Variants in ITGBL1 observed in about 807,000 individuals in gnomAD.
ITGBL1 encodes the protein integrin beta-like protein 1.
A neutral mutation model predicts 68.5 loss-of-function variants in ITGBL1; 51 were observed. That is an observed-to-expected ratio of 0.74 (90% CI 0.59 to 0.94). ITGBL1 has a LOEUF of 0.94. ITGBL1 is among the 40% of genes least tolerant of loss of function. The pLI is 0.00. For synonymous variants in ITGBL1, 209 were observed against 227.3 expected (o/e 0.92, Z 0.72); for missense variants, 649 against 647.4 (o/e 1.00, Z -0.03).
intron 2 of ITGBL1, among the ~76,000 whole-genome samples, chr13:101,495,409 GGTGCTT>G (rs2048842452): frequency 1.3e-5 from 2 of 152,016 alleles, no homozygotes; most frequent in African/African-American, 2.4e-5. Flanking sequence ...ACCCCACAAG[GGTGCTT>G]TTCTGTTCCC....
intron 7 of ITGBL1, among the ~76,000 whole-genome samples, chr13:101,635,348 G>A (rs1245980517): frequency 2.6e-5 from 4 of 151,866 alleles, no homozygotes; most frequent in South Asian, 2.1e-4. Context: ...CATAATAAAC[G>A]AAATAAAAGA....
chr13:101,582,083 T>C (rs939289601), intron 5 of ITGBL1, among the ~76,000 whole-genome samples: 3 of 152,212 alleles, frequency 2.0e-5, no homozygotes, highest in Non-Finnish European at 4.4e-5. Flanking sequence ...CTGTATGAAA[T>C]TTCCTTTTGT....
chr13:101,687,171 A>G (rs765160580), intron 7 of ITGBL1, among the ~76,000 whole-genome samples: 1 of 152,084 alleles, frequency 6.6e-6, no homozygotes, highest in Non-Finnish European at 1.5e-5. Context: ...GCTATAGAAT[A>G]GCAGACTTTA....
chr13:101,705,764 G>T (rs543948151), intron 8 of ITGBL1, among the ~76,000 whole-genome samples: 2 of 152,150 alleles, frequency 1.3e-5, no homozygotes, highest in African/African-American at 4.8e-5. Flanking sequence ...AGGAGAGAAC[G>T]GTGTCAACAG....
At chr13:101,637,015 C>G (rs1227384761) in intron 7 of ITGBL1, among the ~76,000 whole-genome samples, 1 of 152,094 alleles carries the variant, frequency 6.6e-6, no homozygotes, top group Non-Finnish European at 1.5e-5. Context: ...TTAAAATTGA[C>G]TACATCTAGA....
chr13:101,655,074 G>A (rs368892885), intron 7 of ITGBL1, among the ~76,000 whole-genome samples: 6 of 152,186 alleles, frequency 3.9e-5, no homozygotes, highest in South Asian at 2.1e-4. Flanking sequence ...TTTTGGTGGC[G>A]TGCAATCTGG....
At chr13:101,538,250 A>G (rs1293130172) in intron 2 of ITGBL1, among the ~76,000 whole-genome samples, 1 of 152,036 alleles carries the variant, frequency 6.6e-6, no homozygotes, top group Non-Finnish European at 1.5e-5. Context: ...CCATAAGCAA[A>G]TAGTTCTAAA....
chr13:101,471,528 A>ATG (rs1491291327), intron 2 of ITGBL1, among the ~76,000 whole-genome samples: 19 of 117,122 alleles, frequency 1.6e-4, no homozygotes, highest in Non-Finnish European at 3.1e-4. Flanking sequence ...GTGTGTGTGT[A>ATG]TGTATGTGTG....
chr13:101,546,721 G>C (rs11838695), intron 2 of ITGBL1, among the ~76,000 whole-genome samples: 1 of 151,960 alleles, frequency 6.6e-6, no homozygotes, highest in Non-Finnish European at 1.5e-5. Flanking sequence ...TAAGAATATA[G>C]CAAGCAACTT....
At chr13:101,638,948 T>C (rs9557716) in intron 7 of ITGBL1, among the ~76,000 whole-genome samples, 75,933 of 152,032 alleles carry the variant, frequency 0.5, 19,094 homozygotes, top group Non-Finnish European at 0.52. Context: ...CTTAACTGTA[T>C]TTATTATTAA....
At chr13:101,642,647 G>A (rs2032421672) in intron 7 of ITGBL1, among the ~76,000 whole-genome samples, 1 of 151,646 alleles carries the variant, frequency 6.6e-6, no homozygotes, top group Admixed American at 6.6e-5. Context: ...CCATGCCTAT[G>A]TCCTGAATGG....
rs959951141 is a variant in ITGBL1 at position 101,716,407 on chromosome 13, A to G, written c.*753A>G. ...TTAAAGAAATTATGAAAAATGTACA[A>G]TTTAACATTTTAAATAAATAGTGAC... On this transcript the variant is annotated 3_prime_UTR_variant, in exon 11 of 11. Transcript: ENST00000376180. 4.6e-5 allele frequency: 7 copies of G among 152,170 alleles called. No individual in the cohort carries two copies. Among genetic ancestry groups the G allele is most frequent in the Admixed American group, 2.6e-4 (4 of 15,270 alleles). 9.4% of individuals were successfully genotyped at this position (152,170 alleles called of 1,614,324 possible). A position where few individuals can be genotyped will look rare whatever the true frequency, so the allele number is the denominator to read the frequency against.
intron 2 of ITGBL1, among the ~76,000 whole-genome samples, chr13:101,566,976 A>G (rs1475677270): frequency 1.3e-5 from 2 of 152,166 alleles, no homozygotes; most frequent in African/African-American, 4.8e-5. Flanking sequence ...CTTTGAGGAC[A>G]AGGACCAAGT....
At chr13:101,710,999 A>G (rs773051354) in intron 9 of ITGBL1, 2 of 152,210 alleles carry the variant, frequency 1.3e-5, no homozygotes, top group Admixed American at 6.5e-5. Flanking sequence ...AGAAAGTCCA[A>G]CATTAGTAAT....
intron 8 of ITGBL1, among the ~76,000 whole-genome samples, chr13:101,693,814 C>T (rs535895882): frequency 6.6e-6 from 1 of 152,132 alleles, no homozygotes; most frequent in South Asian, 2.1e-4. Flanking sequence ...GCCCTTTTAA[C>T]CTGTTAATGA....
intron 2 of ITGBL1, among the ~76,000 whole-genome samples, chr13:101,463,750 A>C (rs956423992): frequency 5.9e-5 from 9 of 151,976 alleles, no homozygotes; most frequent in African/African-American, 2.2e-4. Context: ...GCAAAACTGC[A>C]GAAAGCAACA....
At chr13:101,455,606 G>A (rs2048232769) in intron 2 of ITGBL1, among the ~76,000 whole-genome samples, 2 of 152,240 alleles carry the variant, frequency 1.3e-5, no homozygotes, top group South Asian at 4.1e-4. Flanking sequence ...AGAGGTTGCA[G>A]AGAGCCAAGA....
At chr13:101,676,192 T>A (rs1488070443) in intron 7 of ITGBL1, among the ~76,000 whole-genome samples, 4 of 152,156 alleles carry the variant, frequency 2.6e-5, no homozygotes, top group African/African-American at 9.6e-5. Context: ...TTGACATACC[T>A]GTTTTTGTTT....
chr13:101,718,348 C>G (rs2034802693), downstream of ITGBL1: 2 of 152,054 alleles, frequency 1.3e-5, no homozygotes, highest in Non-Finnish European at 2.9e-5. Flanking sequence ...AAGACATAAA[C>G]TCTTTCCTTC....
Sources: allele counts gnomAD v4.1 joint callset (sites outside exome capture counted in the v4.1 genomes callset), GRCh38; gene constraint gnomAD v4.1.1; transcripts MANE v1.5; gene names NCBI Gene and HGNC (gene_info 2026-07-23, HGNC 2026-07-21).